FIP1L1: variants seen among roughly 807,000 people sequenced by gnomAD.
FIP1L1 encodes factor interacting with PAPOLA and CPSF1, also known as pre-mRNA 3'-end-processing factor FIP1.
A neutral mutation model predicts 84.6 loss-of-function variants in FIP1L1; 21 were observed. The observed-to-expected ratio is 0.25, with a 90% CI of 0.18 to 0.36. The LOEUF (loss-of-function observed/expected upper bound fraction) is 0.36, where lower values mean the gene tolerates loss of function less well. Ranked by LOEUF, FIP1L1 falls within the 10% of genes least tolerant of loss-of-function variation. FIP1L1 has a pLI of 1.00. For missense variants in FIP1L1, 526 were observed against 751.1 expected (o/e 0.70, Z 3.50); for synonymous variants, 263 against 242.3 (o/e 1.09, Z -0.80).
chr4:53,387,036 A>G (rs533272109), intron 5 of FIP1L1, among the ~76,000 whole-genome samples: 1 of 152,216 alleles, frequency 6.6e-6, no homozygotes, highest in African/African-American at 2.4e-5. Flanking sequence ...CTCTAGCATC[A>G]GTAGTTGAGA....
At chr4:53,452,617 C>T (rs963715530) in intron 15 of FIP1L1, among the ~76,000 whole-genome samples, 2 of 152,212 alleles carry the variant, frequency 1.3e-5, no homozygotes, top group Admixed American at 6.5e-5. Context: ...TCGCGCCTGG[C>T]CTCCTCTCAA....
intron 13 of FIP1L1, among the ~76,000 whole-genome samples, chr4:53,436,960 C>T (rs1436297240): frequency 6.6e-6 from 1 of 151,954 alleles, no homozygotes; most frequent in Non-Finnish European, 1.5e-5. Context: ...GAGGCCAAGG[C>T]GGGTAGATTG....
intron 11 of FIP1L1, among the ~76,000 whole-genome samples, chr4:53,417,619 G>A (rs1416482528): frequency 1.0e-4 from 9 of 85,880 alleles, no homozygotes; most frequent in African/African-American, 3.6e-4. Context: ...TCCAGCCTAG[G>A]CAACAACAGC....
intron 10 of FIP1L1, among the ~76,000 whole-genome samples, chr4:53,405,432 T>G (rs1484990856): frequency 1.3e-5 from 2 of 152,172 alleles, no homozygotes; most frequent in Non-Finnish European, 2.9e-5. Flanking sequence ...TAGTTTGAAG[T>G]CAGGTAGCTT....
At chr4:53,404,584 C>A (rs1214124690) in intron 10 of FIP1L1, among the ~76,000 whole-genome samples, 1 of 151,254 alleles carries the variant, frequency 6.6e-6, no homozygotes, top group Non-Finnish European at 1.5e-5. Context: ...GAGGAATCGC[C>A]ACACTGACTT....
At chr4:53,440,833 A>G (rs1401698973) in intron 13 of FIP1L1, 5 of 473,706 alleles carry the variant, frequency 1.1e-5, no homozygotes, top group African/African-American at 1.0e-4. Context: ...ATTCTGAGAA[A>G]ATTCTTACCT....
At chr4:53,446,561 C>T (rs1191418257) in intron 15 of FIP1L1, among the ~76,000 whole-genome samples, 1 of 152,124 alleles carries the variant, frequency 6.6e-6, no homozygotes, top group Non-Finnish European at 1.5e-5. Context: ...TAATAACCTA[C>T]ATCGTTTTTT....
At chr4:53,420,673 G>A (rs1332127239) in intron 11 of FIP1L1, among the ~76,000 whole-genome samples, 3 of 152,144 alleles carry the variant, frequency 2.0e-5, no homozygotes, top group East Asian at 1.9e-4. Context: ...TGTATATACT[G>A]TAGAGAAAAT....
At chr4:53,402,960 C>A (rs1015758532) in intron 10 of FIP1L1, among the ~76,000 whole-genome samples, 1 of 152,152 alleles carries the variant, frequency 6.6e-6, no homozygotes, top group East Asian at 1.9e-4. Context: ...TGAAAGTTCT[C>A]TTCTGATTGC....
Position 53,423,481 on chromosome 4 carries a change from A to G in FIP1L1, c.924-2391A>G, listed in dbSNP as rs961306594. On this transcript the variant is annotated intron_variant, in intron 11 of 17. Coordinates refer to ENST00000337488, the MANE Select transcript of FIP1L1 (RefSeq NM_030917.4). ...GCTGTCCATTAAGAACTTTCGTGGA[A>G]TAATATGGTTCAATATTTTTTTCCA... Among the ~76,000 whole-genome samples the G allele has an allele frequency of 3.7e-4, 57 of 152,222 alleles. 1 individual carries two copies.
intron 10 of FIP1L1, 27 bp downstream of exon 10, chr4:53,399,866 A>G (rs1749333100): frequency 7.3e-7 from 1 of 1,375,532 alleles, no homozygotes; most frequent in Non-Finnish European, 1.0e-6. Flanking sequence ...TAACTCAATT[A>G]CTGTACGACA....
chr4:53,377,791 T>G lies in FIP1L1; in HGVS notation c.-48T>G, dbSNP rs906256878. The G allele has an allele frequency of 1.3e-6, 2 of 1,485,484 alleles. No individual in the cohort carries two copies. The highest frequency in any genetic ancestry group is 9.0e-7 in the Non-Finnish European group (1 of 1,107,160). 92.0% of individuals were successfully genotyped at this position (1,485,484 alleles called of 1,614,324 possible). A position where few individuals can be genotyped will look rare whatever the true frequency, so the allele number is the denominator to read the frequency against. ...CGGGGCTGCGAGGCTGGGGAAGGGGTTGGAGGGGGCTGTTGATCGCCGCGT... is the reference window on the plus strand; with the variant it reads ...CGGGGCTGCGAGGCTGGGGAAGGGGGTGGAGGGGGCTGTTGATCGCCGCGT... On this transcript the variant is annotated 5_prime_UTR_variant, in exon 1 of 18. Transcript: ENST00000337488.
At chr4:53,438,653 GA>G (rs1318873694) in intron 13 of FIP1L1, among the ~76,000 whole-genome samples, 1 of 152,138 alleles carries the variant, frequency 6.6e-6, no homozygotes, top group Non-Finnish European at 1.5e-5. Context: ...AATTCCAGTA[GA>G]TTATTTTTGT....
At chr4:53,416,434 G>A (rs1759532170) in intron 11 of FIP1L1, among the ~76,000 whole-genome samples, 1 of 152,152 alleles carries the variant, frequency 6.6e-6, no homozygotes, top group African/African-American at 2.4e-5. Context: ...TACCACAATC[G>A]TAACATAGTG....
chr4:53,392,183 C>T (rs1372108429), intron 9 of FIP1L1, among the ~76,000 whole-genome samples: 1 of 152,182 alleles, frequency 6.6e-6, no homozygotes, highest in East Asian at 1.9e-4. Context: ...TTATGGAAAA[C>T]TGATTGTGTA....
chr4:53,435,073 C>T (rs1214864388), intron 13 of FIP1L1, among the ~76,000 whole-genome samples: 1 of 152,080 alleles, frequency 6.6e-6, no homozygotes, highest in African/African-American at 2.4e-5. Context: ...CCAGAGTTAC[C>T]ATTAAAAAAG....
At chr4:53,417,738 A>AACAC (rs371194870) in intron 11 of FIP1L1, among the ~76,000 whole-genome samples, 1,438 of 70,048 alleles carry the variant, frequency 0.021, 51 homozygotes, top group African/African-American at 0.03. Context: ...TCTCTTTTTA[A>AACAC]ACACACACAC....
intron 10 of FIP1L1, among the ~76,000 whole-genome samples, chr4:53,404,946 C>A (rs2149563932): frequency 6.6e-6 from 1 of 151,312 alleles, no homozygotes; most frequent in South Asian, 2.1e-4. Context: ...AATTTTCTCC[C>A]ATTTTGTAGG....
intron 15 of FIP1L1, 127 bp downstream of exon 15, chr4:53,444,230 G>C: frequency 1.7e-6 from 1 of 597,192 alleles, no homozygotes; most frequent in East Asian, 2.9e-5. Flanking sequence ...TTAACTACAG[G>C]AATGAGTGGT....
Sources: allele counts gnomAD v4.1 joint callset (sites outside exome capture counted in the v4.1 genomes callset), GRCh38; gene constraint gnomAD v4.1.1; transcripts MANE v1.5; gene names NCBI Gene and HGNC (gene_info 2026-07-23, HGNC 2026-07-21).